Variants in SZRD1 observed in about 807,000 individuals in gnomAD.
SZRD1 encodes SUZ RNA-binding domain-containing.
Under a neutral mutation model 17.6 loss-of-function variants are expected in SZRD1, and 7 were observed. That is an observed-to-expected ratio of 0.40 (90% CI 0.23 to 0.75). The LOEUF (loss-of-function observed/expected upper bound fraction) is 0.75, where lower values mean the gene tolerates loss of function less well. Ranked by LOEUF, SZRD1 falls within the 30% of genes least tolerant of loss-of-function variation. The probability of loss-of-function intolerance (pLI) is 0.38; values close to 1 mark genes in which losing one functional copy is unlikely to be tolerated. For synonymous variants in SZRD1, 77 were observed against 77.9 expected (o/e 0.99, Z 0.06); for missense variants, 178 against 201.8 (o/e 0.88, Z 0.71).
rs756409385 is a variant in SZRD1, at chr1:16,393,236, C to G, written c.110C>G (p.Ser37Cys). Residue 37 changes from serine to cysteine, a missense_variant, in exon 3 of 4, where the codon TCC becomes TGC. By Grantham distance (112) the Ser-to-Cys change is moderately radical. This residue lies in a region of SZRD1 where 117 missense variants were observed against 108.7 expected (regional missense o/e 1.08). Transcript: ENST00000401088. This position sits in a 1 kb window ranked among gnomAD's most constrained non-coding sequence, Gnocchi z 5.6. ...LKITQKESRK[S>C]KSPPKVPIVI... is the part of the protein sequence containing the mutation. ...TGTTTGCTCTTTGTCAGCAGGAAATCCAAATCTCCTCCCAAAGTGCCCATT... is the reference window on the plus strand; with the variant it reads ...TGTTTGCTCTTTGTCAGCAGGAAATGCAAATCTCCTCCCAAAGTGCCCATT... 2.5e-6 allele frequency: 4 copies of G among 1,613,826 alleles called. No individual in the cohort carries two copies. Among genetic ancestry groups the G allele is most frequent in the South Asian group, 2.2e-5 (2 of 91,070 alleles).
At chr1:16,376,041 A>G (rs1038413297) in intron 1 of SZRD1, among the ~76,000 whole-genome samples, 10 of 152,136 alleles carry the variant, frequency 6.6e-5, no homozygotes, top group Non-Finnish European at 1.3e-4. Flanking sequence ...TCTAAGATAT[A>G]TGTTGTATGG....
At chr1:16,375,003 A>G (rs969995183) in intron 1 of SZRD1, among the ~76,000 whole-genome samples, 3 of 151,822 alleles carry the variant, frequency 2.0e-5, no homozygotes, top group Non-Finnish European at 4.4e-5. Context: ...TCAGCCTCCC[A>G]AGTAGCTGGG....
intron 1 of SZRD1, among the ~76,000 whole-genome samples, chr1:16,383,176 C>G (rs886619352): frequency 1.3e-5 from 2 of 149,470 alleles, no homozygotes; most frequent in Non-Finnish European, 3.0e-5. Context: ...TTCTTTCTTT[C>G]TCTCCTTCCT....
chr1:16,378,105 G>A (rs1465304035), intron 1 of SZRD1, among the ~76,000 whole-genome samples: 1 of 151,956 alleles, frequency 6.6e-6, no homozygotes, highest in African/African-American at 2.4e-5. Flanking sequence ...TGCCTATCCC[G>A]TTACTTTCAG....
At chr1:16,373,161 T>C (rs2082941528) in intron 1 of SZRD1, among the ~76,000 whole-genome samples, 2 of 151,138 alleles carry the variant, frequency 1.3e-5, no homozygotes, top group African/African-American at 4.9e-5. Flanking sequence ...AGGGGCCAGA[T>C]TGGGAAAGGC....
intron 3 of SZRD1, among the ~76,000 whole-genome samples, 167 bp from the exon 4 acceptor site, chr1:16,394,871 C>G (rs2085282355): frequency 6.6e-6 from 1 of 152,180 alleles, no homozygotes; most frequent in East Asian, 1.9e-4. Flanking sequence ...AGGAGGATCA[C>G]TTGAACTCAG....
intron 1 of SZRD1, among the ~76,000 whole-genome samples, chr1:16,378,285 C>CT (rs36025947): frequency 0.36 from 45,694 of 127,474 alleles, 9,080 homozygotes; most frequent in East Asian, 0.67. Flanking sequence ...TTGGCAACTT[C>CT]TTTTTTTTTT....
Position 16,397,976 on chromosome 1 carries a change from T to C in SZRD1, c.*2836T>C. The C allele has an allele frequency of 1.4e-6, 1 of 738,480 alleles. No individual in the cohort carries two copies. 45.7% of individuals were successfully genotyped at this position (738,480 alleles called of 1,614,324 possible). A position where few individuals can be genotyped will look rare whatever the true frequency, so the allele number is the denominator to read the frequency against. On this transcript the variant is annotated 3_prime_UTR_variant, in exon 4 of 4. Transcript: ENST00000401088. This position sits in a 1 kb window ranked among gnomAD's most constrained non-coding sequence, Gnocchi z 5.4. ...ATCCCAGGGGTGCACATGGGCCCCTTGGGTGTCTGAACAGAAGGGCATGGG... is the reference window on the plus strand; with the variant it reads ...ATCCCAGGGGTGCACATGGGCCCCTCGGGTGTCTGAACAGAAGGGCATGGG...
intron 1 of SZRD1, among the ~76,000 whole-genome samples, chr1:16,389,080 C>CT (rs779460255): frequency 0.016 from 1,787 of 114,888 alleles, 32 homozygotes; most frequent in South Asian, 0.027. Context: ...TAGTTATTTC[C>CT]TTTTTTTTTT....
intron 1 of SZRD1, among the ~76,000 whole-genome samples, chr1:16,370,344 G>C (rs1270096472): frequency 3.3e-5 from 5 of 151,116 alleles, no homozygotes; most frequent in African/African-American, 9.7e-5. Flanking sequence ...TCGTGCCTCA[G>C]CCTCCCGAGT....
chr1:16,371,950 AT>A (rs1178591179), intron 1 of SZRD1, among the ~76,000 whole-genome samples: 2 of 152,182 alleles, frequency 1.3e-5, no homozygotes, highest in Non-Finnish European at 2.9e-5. Context: ...GACTGGAAGA[AT>A]TTTTGTGTGT....
chr1:16,369,691 C>G (rs1355772264), intron 1 of SZRD1, among the ~76,000 whole-genome samples: 1 of 152,098 alleles, frequency 6.6e-6, no homozygotes, highest in Non-Finnish European at 1.5e-5. Flanking sequence ...GAGTTCCAGA[C>G]CAGCCTGGCC....
chr1:16,393,356 C>G lies in SZRD1; in HGVS notation c.230C>G (p.Ser77Cys). ...TSNGVVSSPN[S>C]TSRPTLPVKS... The stretch of plus-strand genomic sequence containing the variant: ...AACGGTGTGGTCAGCAGCCCCAACT[C>G]CACCAGCAGGCCCACCCTTCCAGTC... The change falls in exon 3 of 4, where the codon TCC (serine) becomes TGC (cysteine). Residue 77 changes from serine to cysteine, a missense_variant. Physicochemically the swap from Ser to Cys is moderately radical, Grantham distance 112 (BLOSUM62 -1). Coordinates refer to ENST00000401088, the MANE Select transcript of SZRD1 (RefSeq NM_001114600.3). The surrounding 1 kb of genome is among the most constrained non-coding windows in gnomAD (Gnocchi z 5.6). 1 of 1,614,230 alleles carries G rather than the reference C, an allele frequency of 6.2e-7. No individual in the cohort carries two copies. The highest frequency in any genetic ancestry group is 8.5e-7 in the Non-Finnish European group (1 of 1,180,042).
chr1:16,390,246 C>T (rs978039403), intron 1 of SZRD1, among the ~76,000 whole-genome samples: 1 of 152,214 alleles, frequency 6.6e-6, no homozygotes, highest in Non-Finnish European at 1.5e-5. Context: ...TTGTTCTGTG[C>T]ACGGCCTCTC....
intron 2 of SZRD1, among the ~76,000 whole-genome samples, chr1:16,392,522 G>A (rs2085235843): frequency 6.6e-6 from 1 of 152,172 alleles, no homozygotes; most frequent in African/African-American, 2.4e-5. Context: ...TTTCTTTTGA[G>A]CATTGCCAAG....
Position 16,391,263 on chromosome 1 carries a change from C to T in SZRD1, c.52-112C>T, listed in dbSNP as rs1353113330. Reference sequence around the variant, plus strand: ...TCCACATTTGTTATGTTGAAGGACACAGTCATGTCCCTGGCTAGAGAAAGG... The same window carrying T: ...TCCACATTTGTTATGTTGAAGGACATAGTCATGTCCCTGGCTAGAGAAAGG... On this transcript the variant is annotated intron_variant, in intron 1 of 3. Transcript: ENST00000401088. This position sits in a 1 kb window ranked among gnomAD's most constrained non-coding sequence, Gnocchi z 4.3. 1.2e-5 allele frequency: 9 copies of T among 773,258 alleles called. No homozygotes were observed. The highest frequency in any genetic ancestry group is 1.7e-5 in the Non-Finnish European group (8 of 468,836). The allele number at this position is 773,258 out of a possible 1,614,324, so 47.9% of individuals were successfully genotyped here. A position where few individuals can be genotyped will look rare whatever the true frequency, so the allele number is the denominator to read the frequency against.
In SZRD1 at chr1:16,393,210, G is replaced by A. The variant is rs767868674; in HGVS notation, c.102-18G>A. On this transcript the variant is annotated intron_variant, in intron 2 of 3. Coordinates refer to ENST00000401088, the MANE Select transcript of SZRD1 (RefSeq NM_001114600.3). This position sits in a 1 kb window ranked among gnomAD's most constrained non-coding sequence, Gnocchi z 5.6. ...AGTCAGGAGCATGATTTGTGAAGCT[G>A]TGTTTGCTCTTTGTCAGCAGGAAAT... The A allele has an allele frequency of 5.0e-6, 8 of 1,612,560 alleles. No homozygotes were observed. The highest frequency in any genetic ancestry group is 3.3e-4 in the Middle Eastern group (2 of 6,076).
rs772628887 is a variant in SZRD1, at chr1:16,395,282, G to A, written c.*142G>A. On this transcript the variant is annotated 3_prime_UTR_variant, in exon 4 of 4. Transcript: ENST00000401088. ...CTTGCACTGTGATCCCCCTTGCTCCGCCCACTGTGACCTTGAACCCCATGC... is the reference window on the plus strand; with the variant it reads ...CTTGCACTGTGATCCCCCTTGCTCCACCCACTGTGACCTTGAACCCCATGC... The A allele has an allele frequency of 1.8e-5, 13 of 704,694 alleles. No homozygotes were observed. Among genetic ancestry groups the A allele is most frequent in the South Asian group, 3.1e-5 (2 of 65,298 alleles). 43.7% of individuals were successfully genotyped at this position (704,694 alleles called of 1,614,324 possible).
chr1:16,385,875 G>C (rs1013627975), intron 1 of SZRD1, among the ~76,000 whole-genome samples: 1 of 152,180 alleles, frequency 6.6e-6, no homozygotes, highest in Non-Finnish European at 1.5e-5. Flanking sequence ...CCTTGTGGTT[G>C]TGGCTCTCCT....
Sources: gnomAD v4.1 joint callset for allele counts (sites outside exome capture counted in the v4.1 genomes callset) on GRCh38, gnomAD v4.1.1 for gene constraint, gnomAD v4.1.1 regional missense constraint, Gnocchi (gnomAD v3.1) non-coding constraint, MANE v1.5 for transcripts, NCBI Gene and HGNC (gene_info 2026-07-23, HGNC 2026-07-21) for gene names.